GRIK2: variants seen among roughly 807,000 people sequenced by gnomAD.
GRIK2 encodes glutamate receptor ionotropic, kainate 2.
In GRIK2, 32 loss-of-function variants were observed where a neutral mutation model predicts 100.3. The observed-to-expected ratio is 0.32, with a 90% CI of 0.24 to 0.43. The LOEUF is 0.43. Among genes scored for constraint, GRIK2 ranks in the 20% least tolerant of loss-of-function variants. GRIK2 has a pLI of 1.00. For missense variants in GRIK2, 843 were observed against 1,114.9 expected (o/e 0.76, Z 3.47); for synonymous variants, 417 against 389.4 (o/e 1.07, Z -0.83).
intron 2 of GRIK2, among the ~76,000 whole-genome samples, chr6:101,470,754 T>C (rs1166605126): frequency 6.6e-6 from 1 of 152,082 alleles, no homozygotes; most frequent in East Asian, 1.9e-4. Context: ...TTCACTACCC[T>C]CTGACACATT....
intron 10 of GRIK2, among the ~76,000 whole-genome samples, chr6:101,820,730 C>A (rs1464149146): frequency 6.6e-6 from 1 of 152,218 alleles, no homozygotes; most frequent in Admixed American, 6.5e-5. Flanking sequence ...GCGTGAGCCA[C>A]TGCACCCAGC....
At chr6:102,033,458 A>G (rs1770104647) in intron 14 of GRIK2, among the ~76,000 whole-genome samples, 1 of 151,232 alleles carries the variant, frequency 6.6e-6, no homozygotes. Flanking sequence ...CTATTCGGAG[A>G]TAGGCTGTAA....
chr6:101,898,772 T>C (rs931081524), intron 12 of GRIK2, among the ~76,000 whole-genome samples: 2 of 151,920 alleles, frequency 1.3e-5, no homozygotes, highest in Non-Finnish European at 1.5e-5. Flanking sequence ...TTCTGAAGAC[T>C]CAAGTGGTAT....
At chr6:101,597,148 CCACATGTTCT>C (rs1204409857) in intron 2 of GRIK2, among the ~76,000 whole-genome samples, 1 of 151,798 alleles carries the variant, frequency 6.6e-6, no homozygotes, top group African/African-American at 2.4e-5. Context: ...AAACCAAATA[CCACATGTTCT>C]CACTTATAAG....
chr6:101,542,057 G>T (rs536786285), intron 2 of GRIK2, among the ~76,000 whole-genome samples: 2 of 152,148 alleles, frequency 1.3e-5, no homozygotes, highest in African/African-American at 4.8e-5. Flanking sequence ...ACAGCAGATG[G>T]ACTGTAAAAT....
At chr6:101,639,208 A>C (rs1313134911) in intron 4 of GRIK2, among the ~76,000 whole-genome samples, 1 of 151,916 alleles carries the variant, frequency 6.6e-6, no homozygotes, top group African/African-American at 2.4e-5. Flanking sequence ...GGCTAATTTT[A>C]GTATTTTTTA....
intron 4 of GRIK2, among the ~76,000 whole-genome samples, chr6:101,638,719 G>A (rs905879848): frequency 3.3e-5 from 5 of 151,710 alleles, no homozygotes; most frequent in African/African-American, 1.2e-4. Flanking sequence ...GATATATGAT[G>A]ACATATGTAG....
chr6:101,862,864 A>G (rs970625863), intron 11 of GRIK2, among the ~76,000 whole-genome samples: 8 of 151,744 alleles, frequency 5.3e-5, no homozygotes, highest in Admixed American at 1.3e-4. Flanking sequence ...CTAATAATCT[A>G]CTCTTTCAGT....
At chr6:101,456,860 T>G (rs1771037568) in intron 2 of GRIK2, among the ~76,000 whole-genome samples, 1 of 152,160 alleles carries the variant, frequency 6.6e-6, no homozygotes, top group African/African-American at 2.4e-5. Context: ...AGAAAAAGTA[T>G]GATTTTCCTA....
intron 11 of GRIK2, among the ~76,000 whole-genome samples, chr6:101,863,083 A>G (rs1017517169): frequency 6.6e-6 from 1 of 151,750 alleles, no homozygotes; most frequent in Non-Finnish European, 1.5e-5. Flanking sequence ...TAAATCTCAG[A>G]TCTGTCCCAT....
In GRIK2 at chr6:101,988,881, C is replaced by T. The variant is rs532224657; in HGVS notation, c.2086-46460C>T. 2.3e-4 allele frequency among the ~76,000 whole-genome samples: 35 copies of T among 151,738 alleles called. 1 individual carries two copies. In the South Asian group the frequency reaches 4.1e-3, roughly 18 times the overall value. ...GAAGTCAAAGTATAATGAATTTATA[C>T]CAGACCCTCAGGAAGTTATTAGCAT... On this transcript the variant is annotated intron_variant, in intron 14 of 16. Transcript: ENST00000369134.
Position 101,449,415 on chromosome 6 carries a change from T to C in GRIK2, c.115+50023T>C, listed in dbSNP as rs117791968. Among the ~76,000 whole-genome samples, 778 of 151,816 alleles carry C rather than the reference T, an allele frequency of 5.1e-3. 2 individuals are homozygous for C. Among genetic ancestry groups the C allele is most frequent in the Non-Finnish European group, 8.8e-3 (599 of 67,724 alleles). ...GGCCAATGTGAAGCACTCAGCAGTA[T>C]GTATAATGTAGGCTGAGGCACCTGT... On this transcript the variant is annotated intron_variant, in intron 2 of 16. Coordinates refer to ENST00000369134, the MANE Select transcript of GRIK2 (RefSeq NM_021956.5).
intron 2 of GRIK2, among the ~76,000 whole-genome samples, chr6:101,454,427 C>T (rs1770880999): frequency 6.6e-6 from 1 of 152,166 alleles, no homozygotes; most frequent in East Asian, 1.9e-4. Flanking sequence ...CACTCCTGCC[C>T]CTCCCATGAG....
At chr6:102,056,486 ACAT>A (rs1771468149) in intron 16 of GRIK2, among the ~76,000 whole-genome samples, 1 of 151,958 alleles carries the variant, frequency 6.6e-6, no homozygotes, top group Admixed American at 6.6e-5. Context: ...TTGTATGTAA[ACAT>A]CTCTTTTGTT....
chr6:102,023,765 T>C (rs1394165537), intron 14 of GRIK2, among the ~76,000 whole-genome samples: 3 of 151,498 alleles, frequency 2.0e-5, no homozygotes, highest in Admixed American at 1.3e-4. Context: ...AAGACATTGA[T>C]AGTTGAGTTA....
chr6:102,039,895 A>G (rs1770476133), intron 15 of GRIK2, among the ~76,000 whole-genome samples: 1 of 151,522 alleles, frequency 6.6e-6, no homozygotes, highest in South Asian at 2.1e-4. Flanking sequence ...TCTTTCATGT[A>G]TTAGTTCCTC....
chr6:101,966,885 C>G (rs891317372), intron 14 of GRIK2, among the ~76,000 whole-genome samples: 14 of 151,898 alleles, frequency 9.2e-5, no homozygotes, highest in African/African-American at 3.4e-4. Context: ...GTTTTGTAGA[C>G]AATAAAAATA....
chr6:102,024,401 C>T (rs1348463181), intron 14 of GRIK2, among the ~76,000 whole-genome samples: 1 of 151,196 alleles, frequency 6.6e-6, no homozygotes, highest in Non-Finnish European at 1.5e-5. Flanking sequence ...AATTGGCAAA[C>T]ACTACAAATC....
chr6:101,677,470 G>A (rs1770926241), intron 5 of GRIK2, among the ~76,000 whole-genome samples: 1 of 152,180 alleles, frequency 6.6e-6, no homozygotes, highest in East Asian at 1.9e-4. Context: ...AAAACAATTT[G>A]TAGCTGTGAA....
Sources: allele counts gnomAD v4.1 joint callset (sites outside exome capture counted in the v4.1 genomes callset), GRCh38; gene constraint gnomAD v4.1.1; transcripts MANE v1.5; gene names NCBI Gene and HGNC (gene_info 2026-07-23, HGNC 2026-07-21).